The following CHFR variants were observed in gnomAD, a reference collection of about 807,000 sequenced individuals.
The protein encoded by CHFR is E3 ubiquitin-protein ligase CHFR.
In CHFR, 57 loss-of-function variants were observed where a neutral mutation model predicts 87.6. That is an observed-to-expected ratio of 0.65 (90% CI 0.53 to 0.81). The LOEUF is 0.81. CHFR is among the 30% of genes least tolerant of loss of function. The probability of loss-of-function intolerance (pLI) is 0.00; values close to 1 mark genes in which losing one functional copy is unlikely to be tolerated. For synonymous variants in CHFR, 381 were observed against 359.2 expected (o/e 1.06, Z -0.69); for missense variants, 797 against 865.8 (o/e 0.92, Z 1.00).
In CHFR at chr12:132,836,687, A is replaced by AC. The variant is rs775496587; in HGVS notation, c.*4866dup. On this transcript the variant is annotated 3_prime_UTR_variant, in exon 18 of 18. Transcript: ENST00000450056. ...TCTGCTCTGTGTGAGGAACTTTAAG[A>AC]CCCCACCATCTAGACTCACCGCCTC... 1 of 456,000 alleles carries AC rather than the reference A, an allele frequency of 2.2e-6. No homozygotes were observed. Among genetic ancestry groups the AC allele is most frequent in the South Asian group, 1.5e-5 (1 of 64,556 alleles). The allele number at this position is 456,000 out of a possible 1,614,324, so 28.2% of individuals were successfully genotyped here.
chr12:132,885,149 C>T (rs990264072), intron 2 of CHFR, among the ~76,000 whole-genome samples: 1 of 151,710 alleles, frequency 6.6e-6, no homozygotes, highest in African/African-American at 2.4e-5. Context: ...ATAGCTCACG[C>T]CTGTAATCCC....
chr12:132,870,340 C>T (rs1231580242), intron 5 of CHFR, among the ~76,000 whole-genome samples: 2 of 115,060 alleles, frequency 1.7e-5, no homozygotes, highest in African/African-American at 6.9e-5. Context: ...CGACAAAGCG[C>T]GACTCCATCT....
chr12:132,847,025 G>A lies in CHFR; in HGVS notation c.1735+18C>T. ...CACTCACATGCGCCTTAGAGCAGGA[G>A]GCAACAGAAGAACTCACCAGACAGC... On this transcript the variant is annotated intron_variant, in intron 15 of 17. Coordinates refer to ENST00000450056, the MANE Select transcript of CHFR (RefSeq NM_001161346.2). The A allele has an allele frequency of 1.3e-6, 2 of 1,588,306 alleles. No individual in the cohort carries two copies. The highest frequency in any genetic ancestry group is 1.1e-5 in the South Asian group (1 of 90,576).
intron 2 of CHFR, among the ~76,000 whole-genome samples, chr12:132,879,884 C>T (rs868356718): frequency 6.6e-6 from 1 of 152,204 alleles, no homozygotes; most frequent in African/African-American, 2.4e-5. Context: ...TTTTCCTAAA[C>T]GTTCCACACA....
chr12:132,842,626 G>T (rs1034243431), intron 17 of CHFR, among the ~76,000 whole-genome samples: 1 of 152,248 alleles, frequency 6.6e-6, no homozygotes. Context: ...CCACGTGAGG[G>T]TGACGATGTG....
At chr12:132,866,429 C>T (rs1400457352) in intron 6 of CHFR, 1 of 151,978 alleles carries the variant, frequency 6.6e-6, no homozygotes, top group East Asian at 1.9e-4. Flanking sequence ...AATGTTACAA[C>T]ACACCCTGGA....
At chr12:132,848,435 C>T (rs1172634128) in intron 13 of CHFR, 20 of 696,006 alleles carry the variant, frequency 2.9e-5, no homozygotes, top group Non-Finnish European at 4.4e-5. Context: ...AGTATCTCCC[C>T]TAATAATTCT....
At chr12:132,851,864 G>T in intron 11 of CHFR, 127 bp from the exon 12 acceptor site, 4 of 1,170,314 alleles carry the variant, frequency 3.4e-6, no homozygotes, top group South Asian at 3.7e-5. Flanking sequence ...AAGCAGACCT[G>T]CCCTGCTAAA....
At chr12:132,882,021 C>A (rs1566207110) in intron 2 of CHFR, among the ~76,000 whole-genome samples, 1 of 152,172 alleles carries the variant, frequency 6.6e-6, no homozygotes, top group Non-Finnish European at 1.5e-5. Flanking sequence ...CAGACACTGG[C>A]CACGTGGCCC....
chr12:132,878,964 T>C (rs900274430), intron 2 of CHFR, among the ~76,000 whole-genome samples: 1 of 151,824 alleles, frequency 6.6e-6, no homozygotes, highest in African/African-American at 2.4e-5. Context: ...AAAAAGTGAC[T>C]GAGCCAACTG....
intron 11 of CHFR, among the ~76,000 whole-genome samples, chr12:132,853,074 C>G (rs1450328633): frequency 6.6e-6 from 1 of 152,172 alleles, no homozygotes; most frequent in African/African-American, 2.4e-5. Flanking sequence ...AAGCCCGCCT[C>G]TTACTTGAGG....
chr12:132,847,944 G>C (rs891369575), intron 14 of CHFR, 141 bp downstream of exon 14: 251 of 1,511,830 alleles, frequency 1.7e-4, no homozygotes, highest in Non-Finnish European at 3.9e-5. Flanking sequence ...GGCTGCACCA[G>C]TGAGGAAACA....
chr12:132,850,888 A>C (rs1950924252), intron 12 of CHFR, among the ~76,000 whole-genome samples: 1 of 151,740 alleles, frequency 6.6e-6, no homozygotes. Flanking sequence ...ATAGACAGAC[A>C]TTTCTGCAGG....
At chr12:132,875,211 T>G (rs1206443849) in intron 3 of CHFR, among the ~76,000 whole-genome samples, 1 of 152,226 alleles carries the variant, frequency 6.6e-6, no homozygotes, top group Non-Finnish European at 1.5e-5. Flanking sequence ...TTCCTAGTCT[T>G]CTATCCCTGA....
intron 12 of CHFR, among the ~76,000 whole-genome samples, chr12:132,850,612 C>T (rs1429327434): frequency 6.6e-6 from 1 of 152,186 alleles, no homozygotes; most frequent in Non-Finnish European, 1.5e-5. Context: ...AGGCCCCACC[C>T]CTGCCAAGCC....
chr12:132,840,530 A>C lies in CHFR; in HGVS notation c.*1024T>G, dbSNP rs949484292. The stretch of plus-strand genomic sequence containing the variant: ...AAGGATAACAGGTGATTTCAACAAA[A>C]GATAAAAAACTTTTTTTTCCAAAAA... On this transcript the variant is annotated 3_prime_UTR_variant, in exon 18 of 18. Transcript: ENST00000450056. 3.9e-5 allele frequency: 6 copies of C among 152,674 alleles called. No homozygotes were observed. Among genetic ancestry groups the C allele is most frequent in the African/African-American group, 1.4e-4 (6 of 41,484 alleles). 9.5% of individuals were successfully genotyped at this position (152,674 alleles called of 1,614,324 possible). A position where few individuals can be genotyped will look rare whatever the true frequency, so the allele number is the denominator to read the frequency against.
Position 132,879,641 on chromosome 12 carries a change from G to A in CHFR, c.134-1987C>T, listed in dbSNP as rs191431354. Among the ~76,000 whole-genome samples the A allele has an allele frequency of 8.2e-4, 123 of 149,650 alleles. 1 individual carries two copies. Among genetic ancestry groups the A allele is most frequent in the Admixed American group, 7.8e-3 (118 of 15,050 alleles). ...CTTGACCTCGTGATATGCCCGCCTC[G>A]GCTTCTCAAAGTGCTGGGATTACAG... On this transcript the variant is annotated intron_variant, in intron 2 of 17. Coordinates refer to ENST00000450056, the MANE Select transcript of CHFR (RefSeq NM_001161346.2).
intron 6 of CHFR, chr12:132,867,131 G>T (rs1187029462): frequency 6.6e-6 from 1 of 152,318 alleles, no homozygotes; most frequent in East Asian, 1.9e-4. Context: ...AAGGCCTCAA[G>T]AACATCAACG....
At chr12:132,851,519 C>T in intron 12 of CHFR, 99 bp downstream of exon 12, 2 of 1,327,190 alleles carry the variant, frequency 1.5e-6, no homozygotes, top group Non-Finnish European at 2.0e-6. Context: ...GAAACGGCAT[C>T]CTTACTTCAC....
Sources: gnomAD v4.1 joint callset for allele counts (sites outside exome capture counted in the v4.1 genomes callset) on GRCh38, gnomAD v4.1.1 for gene constraint, MANE v1.5 for transcripts, NCBI Gene and HGNC (gene_info 2026-07-23, HGNC 2026-07-21) for gene names.